The following KIAA0825 variants were observed in gnomAD, a reference collection of about 807,000 sequenced individuals.
KIAA0825 encodes the protein KIAA0825.
A neutral mutation model predicts 147.6 loss-of-function variants in KIAA0825; 119 were observed. That is an observed-to-expected ratio of 0.81 (90% confidence interval 0.69 to 0.94). KIAA0825 has a LOEUF of 0.94. Among genes scored for constraint, KIAA0825 ranks in the 40% least tolerant of loss-of-function variants. The pLI, the probability that KIAA0825 is intolerant of heterozygous loss-of-function variation, is 0.00. For missense variants in KIAA0825, 1,381 were observed against 1,472.7 expected (o/e 0.94, Z 1.02); for synonymous variants, 470 against 518.1 (o/e 0.91, Z 1.26).
At position 94,173,865 on chromosome 5, in the gene KIAA0825, C is replaced by G. The variant is rs142313145; in HGVS notation, c.3711-19741G>C. Reference sequence around the variant, plus strand: ...GAACAGGGAAAGCAACATAGAGCTTCCTGGACATGCTTACATACACACCTC... The same window carrying G: ...GAACAGGGAAAGCAACATAGAGCTTGCTGGACATGCTTACATACACACCTC... On this transcript the variant is annotated intron_variant, in intron 20 of 20. Transcript: ENST00000682413. 2.6e-5 allele frequency among the ~76,000 whole-genome samples: 4 copies of G among 152,144 alleles called. No homozygotes were observed. In the South Asian group the frequency reaches 8.3e-4, roughly 31 times the overall value.
intron 20 of KIAA0825, among the ~76,000 whole-genome samples, chr5:94,292,606 G>T (rs536116344): frequency 6.6e-6 from 1 of 152,148 alleles, no homozygotes; most frequent in African/African-American, 2.4e-5. Context: ...ACAGGTTTTG[G>T]TATCAGGATG....
chr5:94,415,600 A>C (rs1753352992), intron 15 of KIAA0825: 1 of 152,180 alleles, frequency 6.6e-6, no homozygotes, highest in South Asian at 2.1e-4. Flanking sequence ...AGAATATTTA[A>C]TGTTTATGGA....
intron 20 of KIAA0825, among the ~76,000 whole-genome samples, chr5:94,157,666 A>G (rs776502673): frequency 5.3e-5 from 8 of 152,194 alleles, no homozygotes; most frequent in Non-Finnish European, 8.8e-5. Flanking sequence ...GTGCCATACC[A>G]TGAGCTAAGA....
intron 1 of KIAA0825, among the ~76,000 whole-genome samples, chr5:94,599,745 G>A (rs769655243): frequency 2.0e-5 from 3 of 152,172 alleles, no homozygotes; most frequent in Non-Finnish European, 4.4e-5. Context: ...GAAAATATAT[G>A]CAAATCATGT....
intron 1 of KIAA0825, among the ~76,000 whole-genome samples, chr5:94,583,795 T>C (rs543194914): frequency 6.6e-6 from 1 of 152,062 alleles, no homozygotes; most frequent in South Asian, 2.1e-4. Flanking sequence ...ACACCTCATA[T>C]AGGCAGGTGC....
chr5:94,179,036 A>G (rs1769361383), intron 20 of KIAA0825, among the ~76,000 whole-genome samples: 1 of 152,146 alleles, frequency 6.6e-6, no homozygotes, highest in Non-Finnish European at 1.5e-5. Flanking sequence ...TCAAATGGCT[A>G]CATATTATGT....
At chr5:94,303,715 C>T (rs1263628697) in intron 20 of KIAA0825, among the ~76,000 whole-genome samples, 2 of 152,028 alleles carry the variant, frequency 1.3e-5, no homozygotes, top group Non-Finnish European at 2.9e-5. Context: ...ACAATTCTAA[C>T]ATAATTAGTA....
At chr5:94,581,235 T>G (rs1014381487) in intron 2 of KIAA0825, among the ~76,000 whole-genome samples, 3 of 152,198 alleles carry the variant, frequency 2.0e-5, no homozygotes, top group Non-Finnish European at 2.9e-5. Context: ...TGAACAGAAT[T>G]ATACCAACGT....
intron 14 of KIAA0825, among the ~76,000 whole-genome samples, chr5:94,424,549 T>A (rs1754600914): frequency 6.6e-6 from 1 of 151,986 alleles, no homozygotes; most frequent in South Asian, 2.1e-4. Flanking sequence ...TAGCAATAAG[T>A]GCTTACATGA....
At chr5:94,582,075 T>G (rs1352188019) in intron 2 of KIAA0825, among the ~76,000 whole-genome samples, 2 of 152,228 alleles carry the variant, frequency 1.3e-5, no homozygotes, top group African/African-American at 4.8e-5. Context: ...ATTCATTGAT[T>G]TTGAACTAAA....
intron 14 of KIAA0825, among the ~76,000 whole-genome samples, chr5:94,424,159 T>C (rs1477017415): frequency 6.6e-6 from 1 of 152,174 alleles, no homozygotes; most frequent in Non-Finnish European, 1.5e-5. Flanking sequence ...CCATAAAAAA[T>C]ACAGTTTTAT....
chr5:94,214,824 A>G (rs1773059132), intron 20 of KIAA0825, among the ~76,000 whole-genome samples: 3 of 152,206 alleles, frequency 2.0e-5, no homozygotes, highest in Admixed American at 6.5e-5. Flanking sequence ...TCTTTTCTCT[A>G]CGTTCATGTG....
chr5:94,537,238 C>T, intron 2 of KIAA0825, 111 bp from the exon 3 acceptor site: 1 of 681,920 alleles, frequency 1.5e-6, no homozygotes, highest in East Asian at 2.9e-5. Flanking sequence ...AATAGTAATT[C>T]CTATTTACAG....
intron 20 of KIAA0825, among the ~76,000 whole-genome samples, chr5:94,273,873 A>T (rs541694712): frequency 6.6e-5 from 10 of 152,312 alleles, no homozygotes; most frequent in Non-Finnish European, 7.4e-5. Context: ...AGTTAAAAAG[A>T]GCAGGATTAA....
intron 1 of KIAA0825, among the ~76,000 whole-genome samples, chr5:94,585,994 G>A (rs1202972925): frequency 2.0e-5 from 3 of 152,066 alleles, no homozygotes; most frequent in Non-Finnish European, 4.4e-5. Flanking sequence ...AAACCAATGA[G>A]AACAAAGACA....
intron 15 of KIAA0825, among the ~76,000 whole-genome samples, chr5:94,412,201 TGAA>T (rs1166079190): frequency 6.6e-6 from 1 of 152,166 alleles, no homozygotes. Context: ...ACTAAGAACA[TGAA>T]GAGGTGTTCA....
chr5:94,429,802 G>T (rs1212101489), intron 14 of KIAA0825, among the ~76,000 whole-genome samples: 1 of 152,186 alleles, frequency 6.6e-6, no homozygotes, highest in African/African-American at 2.4e-5. Flanking sequence ...AGTGTCACTC[G>T]GCTTGGAGCT....
At chr5:94,560,862 A>G (rs775934907) in intron 2 of KIAA0825, among the ~76,000 whole-genome samples, 1 of 152,226 alleles carries the variant, frequency 6.6e-6, no homozygotes, top group Non-Finnish European at 1.5e-5. Flanking sequence ...GCACACACAC[A>G]CGCACATATA....
chr5:94,189,052 C>T (rs1377340114), intron 20 of KIAA0825, among the ~76,000 whole-genome samples: 6 of 152,090 alleles, frequency 3.9e-5, no homozygotes, highest in East Asian at 1.9e-4. Flanking sequence ...TTTACCTGTG[C>T]TCGTTGGCCA....
Sources: gnomAD v4.1 joint callset for allele counts (sites outside exome capture counted in the v4.1 genomes callset) on GRCh38, gnomAD v4.1.1 for gene constraint, MANE v1.5 for transcripts, NCBI Gene and HGNC (gene_info 2026-07-23, HGNC 2026-07-21) for gene names.